The following SLC2A5 variants were observed in gnomAD, a reference collection of about 807,000 sequenced individuals.
SLC2A5 encodes solute carrier family 2, facilitated glucose transporter member 5.
In SLC2A5, 56 loss-of-function variants were observed where a neutral mutation model predicts 50.3. The ratio of observed to expected loss-of-function variants is 1.11; its 90% CI spans 0.90 to 1.39. SLC2A5 has a LOEUF of 1.39. Ranked by LOEUF, SLC2A5 falls within the 40% of genes most tolerant of loss-of-function variation. SLC2A5 has a pLI of 0.00. For synonymous variants in SLC2A5, 269 were observed against 281.9 expected, an observed-to-expected ratio of 0.95 and a Z score of 0.46; for missense variants, 566 against 650.1, an observed-to-expected ratio of 0.87 and a Z score of 1.41.
chr1:9,054,774 A>T (rs566019063), intron 3 of SLC2A5, among the ~76,000 whole-genome samples: 2 of 152,202 alleles, frequency 1.3e-5, no homozygotes, highest in South Asian at 4.1e-4. Context: ...AAACTAAAAA[A>T]TGAGCTGAGC....
intron 3 of SLC2A5, among the ~76,000 whole-genome samples, chr1:9,053,376 T>A (rs1432554233): frequency 1.2e-5 from 1 of 84,582 alleles, no homozygotes; most frequent in Non-Finnish European, 2.1e-5. Flanking sequence ...ATTTATATAT[T>A]ATATATATTT....
intron 4 of SLC2A5, among the ~76,000 whole-genome samples, chr1:9,044,281 A>T (rs938619123): frequency 1.3e-5 from 2 of 151,418 alleles, no homozygotes; most frequent in African/African-American, 2.4e-5. Flanking sequence ...CAGTGAGCCG[A>T]GACCGTGCCA....
At chr1:9,044,238 C>A (rs1335197093) in intron 4 of SLC2A5, among the ~76,000 whole-genome samples, 4 of 151,770 alleles carry the variant, frequency 2.6e-5, no homozygotes, top group Non-Finnish European at 4.4e-5. Context: ...GGCTGAGGCA[C>A]AAGAATTGCT....
intron 3 of SLC2A5, among the ~76,000 whole-genome samples, chr1:9,048,092 G>A (rs1641480637): frequency 6.6e-6 from 1 of 152,146 alleles, no homozygotes; most frequent in Non-Finnish European, 1.5e-5. Flanking sequence ...GACATTAGAG[G>A]AAAAGAAAAG....
intron 4 of SLC2A5, among the ~76,000 whole-genome samples, chr1:9,046,858 C>T (rs995332971): frequency 6.6e-6 from 1 of 151,964 alleles, no homozygotes; most frequent in Non-Finnish European, 1.5e-5. Flanking sequence ...TTGTAATCCC[C>T]ATGTGTCAAG....
upstream of SLC2A5, among the ~76,000 whole-genome samples, chr1:9,071,384 T>C (rs527877439): frequency 1.5e-4 from 23 of 152,316 alleles, no homozygotes; most frequent in East Asian, 4.4e-3. Flanking sequence ...CACTCCAGCC[T>C]GGGCGACAGA....
Position 9,058,253 on chromosome 1 carries a change from G to T in SLC2A5, c.34-3C>A, listed in dbSNP as rs1378339506. 1 of 1,611,884 alleles carries T rather than the reference G, an allele frequency of 6.2e-7. No individual in the cohort carries two copies. ...AGGGCAAGCACAAGCGTCAGCCTCT[G>T]CAGAGATCACAGCTTAGGTCAGGAA... On this transcript the variant is annotated splice_polypyrimidine_tract_variant and splice_region_variant and intron_variant, in intron 1 of 11. Transcript: ENST00000377424.
At position 9,040,341 on chromosome 1, in the gene SLC2A5, GT is replaced by G; in HGVS notation, c.572-153del. 1.1e-6 allele frequency: 1 copy of G among 912,454 alleles called. No individual in the cohort carries two copies. Among genetic ancestry groups the G allele is most frequent in the Non-Finnish European group, 1.6e-6 (1 of 622,878 alleles). 56.5% of individuals were successfully genotyped at this position (912,454 alleles called of 1,614,324 possible). A position where few individuals can be genotyped will look rare whatever the true frequency, so the allele number is the denominator to read the frequency against. ...GCCCTAAGAACAGCAACTCCCGACGGTGGACACTCGGGAAACACCTGCAGCA... is the reference window on the plus strand; with the variant it reads ...GCCCTAAGAACAGCAACTCCCGACGGGGACACTCGGGAAACACCTGCAGCA... On this transcript the variant is annotated intron_variant, in intron 5 of 11. Coordinates refer to ENST00000377424, the MANE Select transcript of SLC2A5 (RefSeq NM_003039.3). This position sits in a 1 kb window ranked among gnomAD's most constrained non-coding sequence, Gnocchi z 4.3.
intron 3 of SLC2A5, among the ~76,000 whole-genome samples, chr1:9,052,965 CA>C (rs5772345): frequency 0.47 from 30,707 of 65,898 alleles, 4,967 homozygotes; most frequent in African/African-American, 0.62. Flanking sequence ...GACCATATTT[CA>C]AAAAAAAATA....
In SLC2A5 at chr1:9,058,153, A is replaced by C. The variant is rs764313073; in HGVS notation, c.131T>G (p.Leu44Arg). ...YNVAAVNSPA[L>R]LMQQFYNETY... ...ATCTTGCTCACCACAGTGACCTACC[A>C]GTGCTGGGGAGTTGACAGCAGCCAC... is the stretch of plus-strand genomic sequence containing the variant. Residue 44 changes from leucine (L) to arginine (R), a missense_variant and splice_region_variant, in exon 2 of 12, where the codon CTG becomes CGG. Transcript: ENST00000377424. 3 of 1,608,614 alleles carry C rather than the reference A, an allele frequency of 1.9e-6. No individual in the cohort carries two copies. In the East Asian group the frequency reaches 6.7e-5, roughly 36 times the overall value.
At chr1:9,057,312 A>AAAG (rs1553169951) in intron 3 of SLC2A5, 136 bp downstream of exon 3, 20 of 391,036 alleles carry the variant, frequency 5.1e-5, no homozygotes, top group African/African-American at 3.3e-4. Flanking sequence ...AAAAAAAAAA[A>AAAG]AAAGAAAGAA....
chr1:9,046,678 GT>G (rs1641443209), intron 4 of SLC2A5, among the ~76,000 whole-genome samples: 3 of 151,600 alleles, frequency 2.0e-5, no homozygotes, highest in Admixed American at 2.0e-4. Flanking sequence ...GTGTGTGTGT[GT>G]GTGTGTGTGT....
intron 4 of SLC2A5, among the ~76,000 whole-genome samples, chr1:9,046,975 T>TTCTCTCTC (rs149740983): frequency 6.7e-6 from 1 of 148,530 alleles, no homozygotes; most frequent in Non-Finnish European, 1.5e-5. Flanking sequence ...GCAGTTTCCC[T>TTCTCTCTC]TCTCTCTCTC....
intron 3 of SLC2A5, chr1:9,049,352 A>G: frequency 2.8e-6 from 1 of 361,422 alleles, no homozygotes; most frequent in South Asian, 2.0e-5. Context: ...ATAGTACTGT[A>G]TTGGAGAACC....
intron 1 of SLC2A5, among the ~76,000 whole-genome samples, chr1:9,066,544 T>C (rs1642087796): frequency 1.3e-5 from 2 of 152,208 alleles, no homozygotes; most frequent in African/African-American, 4.8e-5. Context: ...CCTCAATTCT[T>C]ATGTAGTTGT....
Position 9,058,169 on chromosome 1 carries a change from C to T in SLC2A5, c.115G>A (p.Val39Ile). Residue 39 changes from valine (V) to isoleucine (I), a missense_variant, in exon 2 of 12, where the codon GTC becomes ATC. By Grantham distance (29) the Val-to-Ile change is conservative. Coordinates refer to ENST00000377424, the MANE Select transcript of SLC2A5 (RefSeq NM_003039.3). ...TGACCTACCAGTGCTGGGGAGTTGACAGCAGCCACGTTGTACCCATACTGG... is the reference window on the plus strand; with the variant it reads ...TGACCTACCAGTGCTGGGGAGTTGATAGCAGCCACGTTGTACCCATACTGG... ...SFQYGYNVAA[V>I]NSPALLMQQF... 1 of 1,613,694 alleles carries T rather than the reference C, an allele frequency of 6.2e-7. No homozygotes were observed. Among genetic ancestry groups the T allele is most frequent in the Non-Finnish European group, 8.5e-7 (1 of 1,179,600 alleles).
chr1:9,087,763 AC>A (rs1642418411), intron 1 of SLC2A5, among the ~76,000 whole-genome samples: 1 of 151,684 alleles, frequency 6.6e-6, no homozygotes, highest in Non-Finnish European at 1.5e-5. Flanking sequence ...GGCTCTCAAA[AC>A]CCTCAGGTCT....
upstream of SLC2A5, among the ~76,000 whole-genome samples, chr1:9,092,609 T>G (rs753822337): frequency 6.6e-6 from 1 of 152,206 alleles, no homozygotes; most frequent in Non-Finnish European, 1.5e-5. Context: ...GTTCAATTTC[T>G]TTTAGTTCTG....
Position 9,037,395 on chromosome 1 carries a change from C to A in SLC2A5, c.*191G>T, listed in dbSNP as rs1175415002. On this transcript the variant is annotated 3_prime_UTR_variant, in exon 12 of 12. Transcript: ENST00000377424. ...GGTGACAGGCCAACATGGAGAGAGA[C>A]AGCCCAGCTTCAAGAACAGCAAGGC... 3.5e-6 allele frequency: 2 copies of A among 578,548 alleles called. No individual in the cohort carries two copies. The highest frequency in any genetic ancestry group is 6.1e-6 in the Non-Finnish European group (2 of 325,252). The allele number at this position is 578,548 out of a possible 1,614,324, so 35.8% of individuals were successfully genotyped here. A position where few individuals can be genotyped will look rare whatever the true frequency, so the allele number is the denominator to read the frequency against.
Sources: allele counts gnomAD v4.1 joint callset (sites outside exome capture counted in the v4.1 genomes callset), GRCh38; gene constraint gnomAD v4.1.1; non-coding constraint Gnocchi (gnomAD v3.1); transcripts MANE v1.5; gene names NCBI Gene and HGNC (gene_info 2026-07-23, HGNC 2026-07-21).